The following ASCC3 variants were observed in gnomAD, a reference collection of about 807,000 sequenced individuals.
ASCC3 encodes activating signal cointegrator 1 complex subunit 3.
Under a neutral mutation model 256.3 loss-of-function variants are expected in ASCC3, and 158 were observed. That is an observed-to-expected ratio of 0.62 (90% confidence interval 0.54 to 0.70). The LOEUF (loss-of-function observed/expected upper bound fraction) is 0.70, where lower values mean the gene tolerates loss of function less well. Ranked by LOEUF, ASCC3 falls within the 30% of genes least tolerant of loss-of-function variation. The probability of loss-of-function intolerance (pLI) is 0.00; values close to 1 mark genes in which losing one functional copy is unlikely to be tolerated. For synonymous variants in ASCC3, 948 were observed against 883.4 expected (o/e 1.07, Z -1.30); for missense variants, 2,259 against 2,626.0 (o/e 0.86, Z 3.05).
intron 10 of ASCC3, among the ~76,000 whole-genome samples, chr6:100,729,379 C>T (rs1355277523): frequency 1.3e-5 from 2 of 152,100 alleles, no homozygotes; most frequent in African/African-American, 2.4e-5. Context: ...AGATCTCGAA[C>T]AAAGATCTGA....
intron 37 of ASCC3, among the ~76,000 whole-genome samples, chr6:100,536,937 T>C (rs1365132037): frequency 3.6e-4 from 54 of 152,080 alleles, no homozygotes; most frequent in Non-Finnish European, 1.0e-4. Context: ...CTGAATAAAG[T>C]AAATAAATGG....
chr6:100,596,465 A>G (rs1000116633), intron 34 of ASCC3, among the ~76,000 whole-genome samples: 4 of 152,188 alleles, frequency 2.6e-5, no homozygotes, highest in Non-Finnish European at 4.4e-5. Context: ...TTTGCTTTAC[A>G]TATCTGATGT....
intron 14 of ASCC3, among the ~76,000 whole-genome samples, chr6:100,676,732 G>T (rs1213396623): frequency 6.9e-6 from 1 of 145,618 alleles, no homozygotes; most frequent in East Asian, 2.1e-4. Flanking sequence ...GCAAATGTAT[G>T]TGTGCGCGCG....
At chr6:100,854,859 T>C (rs960929405) in intron 3 of ASCC3, among the ~76,000 whole-genome samples, 1 of 152,172 alleles carries the variant, frequency 6.6e-6, no homozygotes, top group Non-Finnish European at 1.5e-5. Context: ...GAGATTTAAC[T>C]TCCATTTTAG....
chr6:100,704,312 G>T, intron 13 of ASCC3, among the ~76,000 whole-genome samples: 1 of 151,888 alleles, frequency 6.6e-6, no homozygotes. Flanking sequence ...TTACATCTCA[G>T]TTGAAAGTGG....
Position 100,619,785 on chromosome 6 carries a change from A to C in ASCC3, c.4785+5407T>G, listed in dbSNP as rs373574707. On this transcript the variant is annotated intron_variant, in intron 30 of 41. Transcript: ENST00000369162. ...CTCTTTCTATCCTCTTTTACTGTAG[A>C]ATACGGCATTAGTTAGCTGTAACTT... Among the ~76,000 whole-genome samples the C allele has an allele frequency of 1.2e-4, 19 of 152,234 alleles. No individual in the cohort carries two copies. The East Asian group carries it at 3.3e-3, about 26-fold the overall frequency.
At chr6:100,638,341 A>G (rs1391792130) in intron 25 of ASCC3, among the ~76,000 whole-genome samples, 2 of 152,242 alleles carry the variant, frequency 1.3e-5, no homozygotes, top group Admixed American at 6.5e-5. Context: ...ATGGTATAGT[A>G]TAAACAGAAT....
chr6:100,727,685 A>AC (rs1219656902), intron 10 of ASCC3, among the ~76,000 whole-genome samples: 4 of 122,072 alleles, frequency 3.3e-5, no homozygotes, highest in Admixed American at 1.7e-4. Flanking sequence ...ACAACAAAAA[A>AC]GGGTCTAAAT....
intron 37 of ASCC3, among the ~76,000 whole-genome samples, chr6:100,523,184 C>T: frequency 6.6e-6 from 1 of 151,656 alleles, no homozygotes. Flanking sequence ...TTTAAATTAG[C>T]TGTAATATCT....
At chr6:100,532,340 G>GTGTGTGTC (rs1223216307) in intron 37 of ASCC3, among the ~76,000 whole-genome samples, 73 of 101,878 alleles carry the variant, frequency 7.2e-4, no homozygotes, top group African/African-American at 3.8e-3. Context: ...TCTTGCGTGT[G>GTGTGTGTC]TGTGTGTGTG....
chr6:100,551,050 T>G (rs978339382), intron 36 of ASCC3, among the ~76,000 whole-genome samples: 2 of 151,980 alleles, frequency 1.3e-5, no homozygotes, highest in Non-Finnish European at 2.9e-5. Flanking sequence ...GTTAACCCAG[T>G]GATGCCTTTT....
At chr6:100,701,667 A>C (rs1001399530) in intron 13 of ASCC3, among the ~76,000 whole-genome samples, 1 of 152,162 alleles carries the variant, frequency 6.6e-6, no homozygotes, top group African/African-American at 2.4e-5. Context: ...GGTGACACTA[A>C]TTTTAAAAAG....
At chr6:100,758,647 T>A (rs956521928) in intron 10 of ASCC3, among the ~76,000 whole-genome samples, 2 of 152,174 alleles carry the variant, frequency 1.3e-5, no homozygotes, top group Non-Finnish European at 1.5e-5. Context: ...ATTGTTGGCA[T>A]TTGGGTTGGT....
intron 30 of ASCC3, among the ~76,000 whole-genome samples, chr6:100,609,849 G>A (rs932792639): frequency 5.9e-5 from 9 of 152,166 alleles, no homozygotes; most frequent in African/African-American, 2.2e-4. Context: ...TGCAGAGGTT[G>A]CAGTAAGTTT....
intron 24 of ASCC3, among the ~76,000 whole-genome samples, chr6:100,640,915 C>T (rs1034360225): frequency 1.3e-5 from 2 of 152,062 alleles, no homozygotes; most frequent in Non-Finnish European, 2.9e-5. Context: ...ATAATGAGTT[C>T]ATTAAAAGTA....
chr6:100,814,471 AG>A (rs1770644091), intron 4 of ASCC3, among the ~76,000 whole-genome samples: 1 of 152,138 alleles, frequency 6.6e-6, no homozygotes, highest in South Asian at 2.1e-4. Flanking sequence ...TTAGTTAGGG[AG>A]GAGTCCCTCC....
chr6:100,536,398 G>A (rs1775164086), intron 37 of ASCC3, among the ~76,000 whole-genome samples: 2 of 152,152 alleles, frequency 1.3e-5, no homozygotes, highest in African/African-American at 4.8e-5. Context: ...AAATGTCTGT[G>A]TATACATACT....
chr6:100,661,962 T>TA lies in ASCC3; in HGVS notation c.2546dup (p.Phe850IlefsTer10). 1 of 1,613,426 alleles carries TA rather than the reference T, an allele frequency of 6.2e-7. No homozygotes were observed. On this transcript the variant is annotated frameshift_variant, in exon 16 of 42. Coordinates refer to ENST00000369162, the MANE Select transcript of ASCC3 (RefSeq NM_006828.4). LOFTEE classifies it high-confidence loss of function. ...ATTGTGGTCGTCCAGCTCGACCAAATATCTGCATGACATCTAAAATTCCAA... is the reference window on the plus strand; with the variant it reads ...ATTGTGGTCGTCCAGCTCGACCAAATAATCTGCATGACATCTAAAATTCCAA...
In ASCC3 at chr6:100,767,291, C is replaced by A; in HGVS notation, c.1450G>T (p.Val484Leu). 6.2e-7 allele frequency: 1 copy of A among 1,614,018 alleles called. No individual in the cohort carries two copies. Among genetic ancestry groups the A allele is most frequent in the East Asian group, 2.2e-5 (1 of 44,830 alleles). The change falls in exon 9 of 42, where the codon GTG (valine) becomes TTG (leucine). Residue 484 changes from valine to leucine, a missense_variant. Around this residue, in one of 2 missense-constraint regions of ASCC3, gnomAD observed 1,839 missense variants for 2,206.7 expected, o/e 0.83. Coordinates refer to ENST00000369162, the MANE Select transcript of ASCC3 (RefSeq NM_006828.4). The stretch of plus-strand genomic sequence containing the variant: ...TTGGTGTTGTAGGCAGTCTCAAACA[C>A]TATTGACTGGATTCTATTGAGTCTC... ...MKRLNRIQSIVFETAYNTNEN... is the reference protein window; with the variant it reads ...MKRLNRIQSILFETAYNTNEN...
Sources: allele counts gnomAD v4.1 joint callset (sites outside exome capture counted in the v4.1 genomes callset), GRCh38; gene constraint gnomAD v4.1.1; regional missense constraint gnomAD v4.1.1; transcripts MANE v1.5; gene names NCBI Gene and HGNC (gene_info 2026-07-23, HGNC 2026-07-21).